PHF21A: variants seen among roughly 807,000 people sequenced by gnomAD.
The protein encoded by PHF21A is BHC80a.
Under a neutral mutation model 82.5 loss-of-function variants are expected in PHF21A, and 11 were observed. The observed-to-expected ratio is 0.13, with a 90% CI of 0.08 to 0.22. The LOEUF is 0.22. PHF21A is among the 10% of genes least tolerant of loss of function. The pLI, the probability that PHF21A is intolerant of heterozygous loss-of-function variation, is 1.00. For synonymous variants in PHF21A, 297 were observed against 302.8 expected (o/e 0.98, Z 0.20); for missense variants, 579 against 837.8 (o/e 0.69, Z 3.81).
chr11:46,004,823 A>G (rs764468772), intron 6 of PHF21A, among the ~76,000 whole-genome samples: 1 of 152,034 alleles, frequency 6.6e-6, no homozygotes, highest in Non-Finnish European at 1.5e-5. Context: ...TGAAAATACC[A>G]TCTCTCCCTC....
At chr11:46,099,458 T>C (rs925012294) in intron 1 of PHF21A, among the ~76,000 whole-genome samples, 4 of 151,924 alleles carry the variant, frequency 2.6e-5, no homozygotes, top group Admixed American at 6.6e-5. Context: ...CACTTCTCAA[T>C]ATAGCACTGC....
At position 45,933,212 on chromosome 11, in the gene PHF21A, G is replaced by C. The variant is rs1340834305; in HGVS notation, c.*756C>G. 6.6e-6 allele frequency: 1 copy of C among 152,576 alleles called. No homozygotes were observed. The highest frequency in any genetic ancestry group is 2.4e-5 in the African/African-American group (1 of 41,428). The allele number at this position is 152,576 out of a possible 1,614,324, so 9.5% of individuals were successfully genotyped here. A position where few individuals can be genotyped will look rare whatever the true frequency, so the allele number is the denominator to read the frequency against. ...TGCTTGTTCTTGGAGAGGAGACAGC[G>C]GGATAACCACGGAGATGCGCGACTC... is the stretch of plus-strand genomic sequence containing the variant. On this transcript the variant is annotated 3_prime_UTR_variant, in exon 19 of 19. Transcript: ENST00000676320.
chr11:45,936,518 G>T lies in PHF21A; in HGVS notation c.1660C>A (p.His554Asn). Residue 554 changes from histidine to asparagine, a missense_variant, in exon 17 of 19, where the codon CAT becomes AAT. Physicochemically the swap from His to Asn is moderately conservative, Grantham distance 68. This residue lies in a region of PHF21A where 410 missense variants were observed against 642.1 expected (regional missense o/e 0.64). Coordinates refer to ENST00000676320, the MANE Select transcript of PHF21A (RefSeq NM_001352027.3). ...IPWPGTLAIV[H>N]SYIAYKAAKE... Reference sequence around the variant, plus strand: ...CCTGCTTTGTAGGCAATATAGGAATGAACAATTGCTAAAGTTCCAGGCCAT... The same window carrying T: ...CCTGCTTTGTAGGCAATATAGGAATTAACAATTGCTAAAGTTCCAGGCCAT... The T allele has an allele frequency of 6.2e-7, 1 of 1,612,442 alleles. No homozygotes were observed. The highest frequency in any genetic ancestry group is 1.1e-5 in the South Asian group (1 of 91,042).
intron 6 of PHF21A, among the ~76,000 whole-genome samples, chr11:46,018,830 C>A (rs2095571097): frequency 6.6e-6 from 1 of 152,146 alleles, no homozygotes; most frequent in African/African-American, 2.4e-5. Flanking sequence ...CTTAATGGCA[C>A]TGCTTACTGC....
At chr11:46,017,979 G>A (rs373913532) in intron 6 of PHF21A, among the ~76,000 whole-genome samples, 20 of 152,216 alleles carry the variant, frequency 1.3e-4, no homozygotes, top group South Asian at 6.2e-4. Context: ...GGCCGGGCGC[G>A]GTGGCTCACG....
chr11:46,114,532 G>A (rs1304924846), intron 1 of PHF21A, among the ~76,000 whole-genome samples: 2 of 152,092 alleles, frequency 1.3e-5, no homozygotes, highest in East Asian at 3.9e-4. Flanking sequence ...TAAAAGTGAC[G>A]GGCTACTATA....
At chr11:46,090,205 A>G (rs1346952907) in intron 3 of PHF21A, among the ~76,000 whole-genome samples, 1 of 152,162 alleles carries the variant, frequency 6.6e-6, no homozygotes, top group African/African-American at 2.4e-5. Context: ...CCAAGGTTTT[A>G]GAACTAGTTG....
Position 46,014,905 on chromosome 11 carries a change from G to A in PHF21A, c.154-34939C>T, listed in dbSNP as rs1226606086. Among the ~76,000 whole-genome samples the A allele has an allele frequency of 6.4e-5, 6 of 94,394 alleles. 1 individual carries two copies. The highest frequency in any genetic ancestry group is 3.1e-4 in the Admixed American group (3 of 9,818). The allele number at this position is 94,394 out of a possible 152,430, so 61.9% of individuals were successfully genotyped here. A position where few individuals can be genotyped will look rare whatever the true frequency, so the allele number is the denominator to read the frequency against. On this transcript the variant is annotated intron_variant, in intron 6 of 18. Coordinates refer to ENST00000676320, the MANE Select transcript of PHF21A (RefSeq NM_001352027.3). The stretch of plus-strand genomic sequence containing the variant: ...TGAGGCAGGAGAATGGCGTGAACCC[G>A]GGAGGCGGAGCTTGCAGTGAGCCGA...
At chr11:46,081,025 T>G (rs1464677309) in intron 4 of PHF21A, among the ~76,000 whole-genome samples, 1 of 152,212 alleles carries the variant, frequency 6.6e-6, no homozygotes, top group Non-Finnish European at 1.5e-5. Flanking sequence ...ACCTGCTGTG[T>G]GGTACGCTCA....
At position 45,949,397 on chromosome 11, in the gene PHF21A, A is replaced by AAT. The variant is rs1301360973; in HGVS notation, c.1227+3_1227+4dup. The AAT allele has an allele frequency of 6.2e-7, 1 of 1,611,520 alleles. No homozygotes were observed. The highest frequency in any genetic ancestry group is 8.5e-7 in the Non-Finnish European group (1 of 1,177,550). On this transcript the variant is annotated splice_donor_region_variant and intron_variant, in intron 13 of 18. Coordinates refer to ENST00000676320, the MANE Select transcript of PHF21A (RefSeq NM_001352027.3). ...AGGGAAGGGCCAGATGCTGGCCAGT[A>AAT]ATACCTCTGGCTCAAAGACTGCTCC...
chr11:46,102,810 A>G (rs1299801633), intron 1 of PHF21A, among the ~76,000 whole-genome samples: 1 of 152,246 alleles, frequency 6.6e-6, no homozygotes, highest in African/African-American at 2.4e-5. Flanking sequence ...AGTAGGGGGT[A>G]TCCCCACAAA....
intron 6 of PHF21A, among the ~76,000 whole-genome samples, chr11:46,054,972 G>C (rs934498213): frequency 5.9e-5 from 9 of 152,096 alleles, no homozygotes; most frequent in Non-Finnish European, 1.2e-4. Flanking sequence ...TTTTATTTTA[G>C]TTTAAATGAA....
At chr11:46,094,029 G>A (rs1450338161) in intron 1 of PHF21A, among the ~76,000 whole-genome samples, 1 of 152,024 alleles carries the variant, frequency 6.6e-6, no homozygotes, top group Non-Finnish European at 1.5e-5. Context: ...CCACAGAATC[G>A]GAGGTGATAA....
intron 17 of PHF21A, 92 bp downstream of exon 17, chr11:45,936,402 T>G: frequency 1.3e-6 from 1 of 781,568 alleles, no homozygotes; most frequent in Non-Finnish European, 2.1e-6. Flanking sequence ...TTTTTAAATT[T>G]AAATTCCCTT....
intron 6 of PHF21A, among the ~76,000 whole-genome samples, chr11:46,046,481 C>T (rs1295989720): frequency 6.6e-6 from 1 of 152,196 alleles, no homozygotes; most frequent in Admixed American, 6.5e-5. Flanking sequence ...GCTCGTCATA[C>T]AGGGCAAGAG....
At chr11:46,087,486 T>C (rs1445363111) in intron 3 of PHF21A, among the ~76,000 whole-genome samples, 1 of 152,156 alleles carries the variant, frequency 6.6e-6, no homozygotes, top group Non-Finnish European at 1.5e-5. Flanking sequence ...CTAAAAGGGT[T>C]AAAAAAGTTA....
chr11:45,995,644 C>G (rs1455434809), intron 6 of PHF21A, among the ~76,000 whole-genome samples: 1 of 152,180 alleles, frequency 6.6e-6, no homozygotes, highest in Non-Finnish European at 1.5e-5. Context: ...CACCAACTGG[C>G]TGCATTTGAT....
At chr11:45,974,515 G>A (rs764105516) in intron 7 of PHF21A, among the ~76,000 whole-genome samples, 2 of 151,840 alleles carry the variant, frequency 1.3e-5, no homozygotes, top group South Asian at 2.1e-4. Flanking sequence ...GTGCAGTGGC[G>A]TAATCACAGC....
Position 46,076,739 on chromosome 11 carries a change from C to A in PHF21A, c.153+15G>T. The stretch of plus-strand genomic sequence containing the variant: ...CACAACGTTAAAAATATGCCCCCCT[C>A]CCCTTTTCCCCTACCTGTTTCTCAC... On this transcript the variant is annotated intron_variant, in intron 6 of 18. Transcript: ENST00000676320. 1.2e-6 allele frequency: 2 copies of A among 1,602,920 alleles called. No homozygotes were observed. Among genetic ancestry groups the A allele is most frequent in the Non-Finnish European group, 1.7e-6 (2 of 1,171,370 alleles).
Sources: gnomAD v4.1 joint callset for allele counts (sites outside exome capture counted in the v4.1 genomes callset) on GRCh38, gnomAD v4.1.1 for gene constraint, gnomAD v4.1.1 regional missense constraint, MANE v1.5 for transcripts, NCBI Gene and HGNC (gene_info 2026-07-23, HGNC 2026-07-21) for gene names.